ZDHHC2: variants seen among roughly 807,000 people sequenced by gnomAD.
ZDHHC2 encodes the protein palmitoyltransferase ZDHHC2.
Under a neutral mutation model 55.6 loss-of-function variants are expected in ZDHHC2, and 51 were observed. The observed-to-expected ratio is 0.92, with a 90% CI of 0.73 to 1.16. The LOEUF is 1.16. Ranked by LOEUF, ZDHHC2 falls within the 50% of genes most tolerant of loss-of-function variation. ZDHHC2 has a pLI of 0.00. For missense variants in ZDHHC2, 491 were observed against 442.4 expected (o/e 1.11, Z -0.99); for synonymous variants, 199 against 152.9 (o/e 1.30, Z -2.22).
At chr8:17,194,973 A>G (rs1319188894) in intron 3 of ZDHHC2, among the ~76,000 whole-genome samples, 3 of 152,156 alleles carry the variant, frequency 2.0e-5, no homozygotes, top group African/African-American at 7.2e-5. Context: ...AAATATTTTA[A>G]AATTAGCTGG....
chr8:17,196,581 T>TAAA (rs111516017), intron 4 of ZDHHC2, among the ~76,000 whole-genome samples: 2 of 142,792 alleles, frequency 1.4e-5, no homozygotes, highest in African/African-American at 5.2e-5. Flanking sequence ...AAAAAATGTT[T>TAAA]AAAAAAAAAA....
Position 17,208,989 on chromosome 8 carries a change from G to C in ZDHHC2, c.730+897G>C, listed in dbSNP as rs1402567190. ...ACATTTTTTCATAGTGCCTAACTCT[G>C]CTGGTTAGATTTTTCTTTTTAATGG... On this transcript the variant is annotated intron_variant, in intron 8 of 12. Coordinates refer to ENST00000262096, the MANE Select transcript of ZDHHC2 (RefSeq NM_016353.5). Among the ~76,000 whole-genome samples the C allele has an allele frequency of 2.0e-5, 3 of 152,090 alleles. No individual in the cohort carries two copies. In the East Asian group the frequency reaches 5.8e-4, roughly 29 times the overall value.
chr8:17,192,613 A>T (rs1269103125), intron 3 of ZDHHC2, among the ~76,000 whole-genome samples: 1 of 152,146 alleles, frequency 6.6e-6, no homozygotes, highest in Non-Finnish European at 1.5e-5. Context: ...GCTGTGCAAA[A>T]GCCTTTTAAC....
chr8:17,195,219 G>C (rs985575592), intron 3 of ZDHHC2, among the ~76,000 whole-genome samples: 1 of 152,058 alleles, frequency 6.6e-6, no homozygotes, highest in Non-Finnish European at 1.5e-5. Context: ...GAACTCTACG[G>C]TTTATAAGCA....
chr8:17,210,248 C>A, intron 9 of ZDHHC2, 140 bp from the exon 10 acceptor site: 2 of 1,038,020 alleles, frequency 1.9e-6, no homozygotes, highest in Non-Finnish European at 2.8e-6. Context: ...TTCCTGAACA[C>A]TATGTTGAGC....
chr8:17,205,355 C>T (rs541718663), intron 6 of ZDHHC2, among the ~76,000 whole-genome samples: 146 of 152,256 alleles, frequency 9.6e-4, no homozygotes, highest in African/African-American at 3.2e-3. Context: ...TGGCCTGATA[C>T]GGTTTCTCGC....
chr8:17,181,158 A>T (rs1192569478), intron 1 of ZDHHC2, among the ~76,000 whole-genome samples: 1 of 152,224 alleles, frequency 6.6e-6, no homozygotes, highest in African/African-American at 2.4e-5. Context: ...CACAAAAGAA[A>T]AATGAATACT....
chr8:17,177,774 GTT>G (rs35402545), intron 1 of ZDHHC2, among the ~76,000 whole-genome samples: 1 of 146,920 alleles, frequency 6.8e-6, no homozygotes, highest in Admixed American at 6.8e-5. Context: ...GTGTGTGTGT[GTT>G]TGTGTGTGTG....
At chr8:17,185,435 T>A (rs1465289728) in intron 2 of ZDHHC2, among the ~76,000 whole-genome samples, 1 of 151,764 alleles carries the variant, frequency 6.6e-6, no homozygotes, top group Non-Finnish European at 1.5e-5. Flanking sequence ...AGCGGGCAGA[T>A]CATTTGAGGT....
At chr8:17,176,494 A>G (rs926508340) in intron 1 of ZDHHC2, among the ~76,000 whole-genome samples, 1 of 152,024 alleles carries the variant, frequency 6.6e-6, no homozygotes, top group Admixed American at 6.6e-5. Flanking sequence ...AGGATTTAAG[A>G]TAATTTTATA....
intron 6 of ZDHHC2, among the ~76,000 whole-genome samples, chr8:17,204,109 T>C (rs990425046): frequency 9.2e-5 from 14 of 152,214 alleles, no homozygotes; most frequent in African/African-American, 3.4e-4. Context: ...CCCAGCCAAC[T>C]TGTGGCTTCT....
intron 2 of ZDHHC2, among the ~76,000 whole-genome samples, chr8:17,185,413 T>G (rs533768652): frequency 1.3e-5 from 2 of 152,184 alleles, no homozygotes; most frequent in South Asian, 4.1e-4. Context: ...TCTCAGCACC[T>G]TGGGAGGCCA....
intron 3 of ZDHHC2, among the ~76,000 whole-genome samples, 199 bp from the exon 4 acceptor site, chr8:17,195,305 A>T (rs1357627371): frequency 2.6e-5 from 4 of 152,198 alleles, no homozygotes; most frequent in African/African-American, 9.7e-5. Flanking sequence ...GATGATGATT[A>T]TTATACCCTT....
rs901631377 is a variant in ZDHHC2, at chr8:17,222,552, T to C, written c.*2331T>C. On this transcript the variant is annotated 3_prime_UTR_variant, in exon 13 of 13. Coordinates refer to ENST00000262096, the MANE Select transcript of ZDHHC2 (RefSeq NM_016353.5). ...ATATAGGAATCAAGATTTAAGAAAT[T>C]TTGCATTAAAAATAGTGTACCAATG... 4.0e-5 allele frequency: 6 copies of C among 151,888 alleles called. No individual in the cohort carries two copies. The highest frequency in any genetic ancestry group is 7.4e-5 in the Non-Finnish European group (5 of 67,804). 9.4% of individuals were successfully genotyped at this position (151,888 alleles called of 1,614,324 possible).
intron 3 of ZDHHC2, among the ~76,000 whole-genome samples, chr8:17,188,731 A>C (rs1459281045): frequency 6.6e-6 from 1 of 152,192 alleles, no homozygotes; most frequent in African/African-American, 2.4e-5. Flanking sequence ...GGTGCTTGCT[A>C]ATAAACGCCT....
intron 4 of ZDHHC2, among the ~76,000 whole-genome samples, chr8:17,197,098 C>CTGCAGAAAATTAGGCTAAATACTGCAGA: frequency 6.6e-6 from 1 of 152,108 alleles, no homozygotes; most frequent in East Asian, 1.9e-4. Context: ...TAAGGCTAAA[C>CTGCAGAAAATTAGGCTAAATACTGCAGA]AAACACTGCA....
intron 1 of ZDHHC2, among the ~76,000 whole-genome samples, chr8:17,177,233 G>A (rs1805186265): frequency 1.3e-5 from 2 of 152,150 alleles, no homozygotes; most frequent in South Asian, 4.1e-4. Context: ...ACCTTGACAC[G>A]GGTGATTGCA....
At chr8:17,164,376 A>G (rs994949949) in intron 1 of ZDHHC2, among the ~76,000 whole-genome samples, 1 of 152,164 alleles carries the variant, frequency 6.6e-6, no homozygotes, top group Admixed American at 6.5e-5. Flanking sequence ...ATTGGATTAC[A>G]TTTTTAAAAT....
chr8:17,223,565 A>G lies in ZDHHC2; in HGVS notation c.*3344A>G, dbSNP rs895148249. The G allele has an allele frequency of 2.6e-5, 4 of 151,886 alleles. No homozygotes were observed. The highest frequency in any genetic ancestry group is 2.1e-4 in the South Asian group (1 of 4,834). 9.4% of individuals were successfully genotyped at this position (151,886 alleles called of 1,614,324 possible). A position where few individuals can be genotyped will look rare whatever the true frequency, so the allele number is the denominator to read the frequency against. On this transcript the variant is annotated 3_prime_UTR_variant, in exon 13 of 13. Coordinates refer to ENST00000262096, the MANE Select transcript of ZDHHC2 (RefSeq NM_016353.5). ...TTCCTCTTATATGTGGAAGGAGACT[A>G]TGTTACATACCTGAAGTATTACTCT...
Sources: gnomAD v4.1 joint callset for allele counts (sites outside exome capture counted in the v4.1 genomes callset) on GRCh38, gnomAD v4.1.1 for gene constraint, MANE v1.5 for transcripts, NCBI Gene and HGNC (gene_info 2026-07-23, HGNC 2026-07-21) for gene names.